The following UMAD1 variants were observed in gnomAD, a reference collection of about 807,000 sequenced individuals.
The protein encoded by UMAD1 is UBAP1-MVB12-associated (UMA)-domain containing protein 1.
Under a neutral mutation model 6.1 loss-of-function variants are expected in UMAD1, and 8 were observed. That is an observed-to-expected ratio of 1.30 (90% CI 0.76 to 2.35). The LOEUF is 2.35. UMAD1 is among the 30% of genes most tolerant of loss of function. The pLI is 0.00. For synonymous variants in UMAD1, 56 were observed against 31.4 expected (o/e 1.78, Z -2.61); for missense variants, 130 against 78.4 (o/e 1.66, Z -2.49).
intron 1 of UMAD1, among the ~76,000 whole-genome samples, chr7:7,663,604 A>G (rs1039215668): frequency 1.3e-5 from 2 of 152,206 alleles, no homozygotes; most frequent in Non-Finnish European, 2.9e-5. Context: ...GGTCTCTACT[A>G]TGAATCTAAA....
intron 1 of UMAD1, among the ~76,000 whole-genome samples, chr7:7,648,028 T>C (rs568464987): frequency 1.3e-5 from 2 of 152,350 alleles, no homozygotes; most frequent in Admixed American, 6.5e-5. Flanking sequence ...ACAAGACCCA[T>C]GGGCTTGAAT....
At chr7:7,711,517 A>G (rs146885217) in intron 2 of UMAD1, among the ~76,000 whole-genome samples, 103 of 152,314 alleles carry the variant, frequency 6.8e-4, no homozygotes, top group African/African-American at 2.4e-3. Flanking sequence ...TTTAACATGT[A>G]ATACTGTGAG....
rs146375851 is a variant in UMAD1, at chr7:7,655,819, GTCTCTC to G, written c.-64+15012_-64+15017del. Among the ~76,000 whole-genome samples the G allele has an allele frequency of 1.1e-4, 16 of 150,290 alleles. 1 individual carries two copies. In the South Asian group the frequency reaches 3.4e-3, roughly 32 times the overall value. ...ATAGTAAGTGTATATATTTAGGACA[GTCTCTC>G]TCTCTCTCTCTCTTTGTTTTTGTTT... On this transcript the variant is annotated intron_variant, in intron 1 of 3. Transcript: ENST00000682710.
intron 3 of UMAD1, among the ~76,000 whole-genome samples, chr7:7,818,150 C>T (rs944929580): frequency 5.9e-5 from 9 of 152,100 alleles, no homozygotes; most frequent in Admixed American, 2.0e-4. Flanking sequence ...CACCTTCCAC[C>T]CTCTGATAAG....
chr7:7,766,257 C>T (rs1781983762), intron 2 of UMAD1, among the ~76,000 whole-genome samples: 1 of 152,136 alleles, frequency 6.6e-6, no homozygotes, highest in African/African-American at 2.4e-5. Flanking sequence ...CAAGTTATTG[C>T]TTATTCCAGG....
At chr7:7,714,182 C>G (rs370509772) in intron 2 of UMAD1, among the ~76,000 whole-genome samples, 13 of 152,178 alleles carry the variant, frequency 8.5e-5, no homozygotes, top group African/African-American at 3.1e-4. Flanking sequence ...TGATTCATGG[C>G]CTTTTCTCAA....
chr7:7,666,415 C>G (rs147910210), intron 1 of UMAD1, among the ~76,000 whole-genome samples: 135 of 152,144 alleles, frequency 8.9e-4, no homozygotes, highest in African/African-American at 3.1e-3. Context: ...GCCACGTTGC[C>G]CAGGCTGGTC....
At chr7:7,780,661 C>T (rs1782326315) in intron 2 of UMAD1, among the ~76,000 whole-genome samples, 1 of 152,182 alleles carries the variant, frequency 6.6e-6, no homozygotes, top group South Asian at 2.1e-4. Context: ...ATCCTGACTT[C>T]TAACAGCACA....
rs139560931 is a variant in UMAD1 at position 7,858,496 on chromosome 7, C to G, written c.157-18785C>G. Among the ~76,000 whole-genome samples, 720 of 152,306 alleles carry G rather than the reference C, an allele frequency of 4.7e-3. 3 individuals carry two copies. Among genetic ancestry groups the G allele is most frequent in the African/African-American group, 0.017 (687 of 41,554 alleles). On this transcript the variant is annotated intron_variant, in intron 3 of 3. Transcript: ENST00000682710. ...GCTGTTCACTTTTAGGTCACTTTGG[C>G]AGTTGAAACCATAGCAATGATTTCT...
intron 2 of UMAD1, among the ~76,000 whole-genome samples, chr7:7,769,329 T>A (rs1782056111): frequency 6.6e-6 from 1 of 152,222 alleles, no homozygotes; most frequent in Non-Finnish European, 1.5e-5. Flanking sequence ...TTCTTTTTTT[T>A]AAGTTTTGGA....
In UMAD1 at chr7:7,823,598, T is replaced by C. The variant is rs534922613; in HGVS notation, c.156+21855T>C. Among the ~76,000 whole-genome samples the C allele has an allele frequency of 1.4e-4, 22 of 152,202 alleles. No individual in the cohort carries two copies. The South Asian group carries it at 4.4e-3, about 30-fold the overall frequency. On this transcript the variant is annotated intron_variant, in intron 3 of 3. Transcript: ENST00000682710. ...TCTTTTGGGAGATAGGAATTGGGAA[T>C]TGGGCAGGCTCTATTCACATCTTAC...
intron 2 of UMAD1, among the ~76,000 whole-genome samples, chr7:7,749,477 T>C (rs532346760): frequency 2.8e-4 from 42 of 151,994 alleles, no homozygotes; most frequent in Non-Finnish European, 5.6e-4. Context: ...GGAATGGGAG[T>C]GGGTAAGCGT....
At chr7:7,651,218 A>G (rs1785216710) in intron 1 of UMAD1, among the ~76,000 whole-genome samples, 2 of 152,246 alleles carry the variant, frequency 1.3e-5, no homozygotes, top group African/African-American at 2.4e-5. Context: ...GAAACCAGAA[A>G]GGACAAGGAT....
intron 2 of UMAD1, among the ~76,000 whole-genome samples, chr7:7,687,562 T>G (rs1335666981): frequency 6.6e-6 from 1 of 152,206 alleles, no homozygotes. Flanking sequence ...ATATGATCAG[T>G]CCACCAGAAA....
chr7:7,678,722 AATATATATTTATATATTTAGTTTATAAAT>A (rs1779826977), intron 2 of UMAD1, among the ~76,000 whole-genome samples: 18 of 110,218 alleles, frequency 1.6e-4, no homozygotes, highest in African/African-American at 6.0e-4. Flanking sequence ...TTAGTTTATA[AATATATATTTATATATTTAGTTTATAAAT>A]ATATATTTAT....
intron 2 of UMAD1, chr7:7,738,483 TA>T (rs1781403007): frequency 6.6e-6 from 1 of 152,234 alleles, no homozygotes; most frequent in Admixed American, 6.5e-5. Context: ...TGCATTAATA[TA>T]AAAGTTTTGC....
chr7:7,785,907 T>G (rs1164906388), intron 2 of UMAD1, among the ~76,000 whole-genome samples: 2 of 152,238 alleles, frequency 1.3e-5, no homozygotes, highest in Non-Finnish European at 2.9e-5. Context: ...ATCAATATAT[T>G]TATCTGTGTA....
intron 2 of UMAD1, among the ~76,000 whole-genome samples, chr7:7,801,011 G>C (rs950930119): frequency 5.3e-5 from 8 of 152,310 alleles, no homozygotes; most frequent in African/African-American, 1.9e-4. Flanking sequence ...AAATTAAAAT[G>C]GGCCAATTAT....
chr7:7,690,972 T>G (rs1010296052), intron 2 of UMAD1, among the ~76,000 whole-genome samples: 5 of 152,196 alleles, frequency 3.3e-5, no homozygotes, highest in Admixed American at 3.3e-4. Context: ...GGAGTGCAGT[T>G]TCTTTCTGCT....
Sources: gnomAD v4.1 joint callset for allele counts (sites outside exome capture counted in the v4.1 genomes callset) on GRCh38, gnomAD v4.1.1 for gene constraint, MANE v1.5 for transcripts, NCBI Gene and HGNC (gene_info 2026-07-23, HGNC 2026-07-21) for gene names.